The following PCDH15 variants were observed in gnomAD, a reference collection of about 807,000 sequenced individuals.
The protein encoded by PCDH15 is protocadherin related 15.
PCDH15 carries 129 observed loss-of-function variants against 178.5 expected under a neutral mutation model. That is an observed-to-expected ratio of 0.72 (90% confidence interval 0.63 to 0.84). The LOEUF (loss-of-function observed/expected upper bound fraction) is 0.84. Ranked by LOEUF, PCDH15 falls within the 40% of genes least tolerant of loss-of-function variation. PCDH15 has a pLI of 0.00. For missense variants in PCDH15, 2,230 were observed against 2,099.9 expected (o/e 1.06, Z -1.21); for synonymous variants, 800 against 732.0 (o/e 1.09, Z -1.50).
At chr10:54,381,314 C>T (rs1396991519) in intron 3 of PCDH15, among the ~76,000 whole-genome samples, 2 of 152,076 alleles carry the variant, frequency 1.3e-5, no homozygotes, top group Admixed American at 6.6e-5. Flanking sequence ...CTCCCTATCC[C>T]AGCAGTGGTG....
intron 9 of PCDH15, 86 bp from the exon 10 acceptor site, chr10:54,214,134 G>A (rs1459926318): frequency 1.6e-5 from 12 of 749,590 alleles, no homozygotes; most frequent in Middle Eastern, 2.4e-4. Context: ...CATCAGCTGA[G>A]GAACAAAGCT....
At chr10:53,925,468 A>G (rs2084446941) in intron 25 of PCDH15, among the ~76,000 whole-genome samples, 1 of 152,120 alleles carries the variant, frequency 6.6e-6, no homozygotes, top group Non-Finnish European at 1.5e-5. Context: ...GAACCCTAAC[A>G]CTCACCGCGA....
At chr10:55,019,486 T>C (rs1038821922) in intron 2 of PCDH15, among the ~76,000 whole-genome samples, 2 of 152,122 alleles carry the variant, frequency 1.3e-5, no homozygotes, top group African/African-American at 4.8e-5. Flanking sequence ...TTCGTTTTCA[T>C]AGCAAACAAC....
chr10:54,628,061 A>G (rs2093605122), intron 2 of PCDH15, among the ~76,000 whole-genome samples: 1 of 152,198 alleles, frequency 6.6e-6, no homozygotes, highest in South Asian at 2.1e-4. Context: ...TTTATTTGAA[A>G]TGTGTAACAG....
chr10:54,330,154 A>C (rs1939150939), intron 6 of PCDH15, among the ~76,000 whole-genome samples: 2 of 113,014 alleles, frequency 1.8e-5, no homozygotes. Flanking sequence ...TTTAAGTATT[A>C]TCTGGCATTA....
At chr10:55,397,046 C>T (rs1037091178) in intron 2 of PCDH15, among the ~76,000 whole-genome samples, 1 of 152,096 alleles carries the variant, frequency 6.6e-6, no homozygotes, top group African/African-American at 2.4e-5. Context: ...AAGAACATTT[C>T]CTATTACGAA....
chr10:54,901,271 C>A (rs947307985), intron 2 of PCDH15, among the ~76,000 whole-genome samples: 1 of 151,934 alleles, frequency 6.6e-6, no homozygotes, highest in Non-Finnish European at 1.5e-5. Flanking sequence ...TAGAGTGAGA[C>A]CCTGTCTCAA....
At chr10:54,915,361 C>G (rs1467843987) in intron 2 of PCDH15, among the ~76,000 whole-genome samples, 1 of 151,984 alleles carries the variant, frequency 6.6e-6, no homozygotes, top group African/African-American at 2.4e-5. Context: ...GCTAATATGC[C>G]TTAGAAAAAA....
intron 3 of PCDH15, among the ~76,000 whole-genome samples, chr10:54,421,250 T>C (rs1955251540): frequency 6.6e-6 from 1 of 151,860 alleles, no homozygotes; most frequent in Admixed American, 6.6e-5. Flanking sequence ...TAAAATGTCA[T>C]GAAATGACTT....
intron 21 of PCDH15, among the ~76,000 whole-genome samples, chr10:53,981,004 G>A (rs2090593110): frequency 6.6e-6 from 1 of 152,082 alleles, no homozygotes; most frequent in Admixed American, 6.6e-5. Flanking sequence ...AATTTGAAAT[G>A]TGTAAAATTC....
intron 2 of PCDH15, among the ~76,000 whole-genome samples, chr10:55,369,442 A>G (rs1351340023): frequency 6.6e-6 from 1 of 152,056 alleles, no homozygotes; most frequent in African/African-American, 2.4e-5. Flanking sequence ...TAAGTATAAA[A>G]ACAAAAAAGT....
chr10:54,408,117 C>A (rs1370096494), intron 3 of PCDH15, among the ~76,000 whole-genome samples: 1 of 146,614 alleles, frequency 6.8e-6, no homozygotes, highest in Non-Finnish European at 1.5e-5. Context: ...TCTAAGGTAA[C>A]CCTAGGAGTT....
At chr10:55,363,901 T>G (rs933929419) in intron 2 of PCDH15, among the ~76,000 whole-genome samples, 1 of 152,146 alleles carries the variant, frequency 6.6e-6, no homozygotes, top group African/African-American at 2.4e-5. Context: ...CCTCCCAAAG[T>G]GCTGGGATTA....
chr10:54,664,704 T>C (rs2094543530), intron 1 of PCDH15, among the ~76,000 whole-genome samples: 1 of 151,958 alleles, frequency 6.6e-6, no homozygotes, highest in East Asian at 1.9e-4. Flanking sequence ...CATGAGCATT[T>C]CAATGAAAAT....
intron 18 of PCDH15, among the ~76,000 whole-genome samples, chr10:54,060,970 T>G (rs548741059): frequency 2.4e-4 from 36 of 152,294 alleles, no homozygotes; most frequent in Admixed American, 1.5e-3. Flanking sequence ...TTTAGTAGAC[T>G]GGCTTAGAGT....
At chr10:54,349,932 T>C (rs1774786194) in intron 5 of PCDH15, among the ~76,000 whole-genome samples, 2 of 152,170 alleles carry the variant, frequency 1.3e-5, no homozygotes, top group South Asian at 4.1e-4. Flanking sequence ...TGTGTGGCCA[T>C]ATATACTTTT....
rs376560176 is a variant in PCDH15, at chr10:54,620,986, A to G, written c.91+43186T>C. Among the ~76,000 whole-genome samples, 27 of 152,174 alleles carry G rather than the reference A, an allele frequency of 1.8e-4. No homozygotes were observed. The East Asian group carries it at 4.1e-3, about 23-fold the overall frequency. ...CTCCTAATATTCAATGGAGAAGAATATATATTCTTTTTTAGGAGGACACAA... is the reference window on the plus strand; with the variant it reads ...CTCCTAATATTCAATGGAGAAGAATGTATATTCTTTTTTAGGAGGACACAA... On this transcript the variant is annotated intron_variant, in intron 2 of 37. Transcript: ENST00000644397.
At chr10:54,299,180 A>G (rs2059988368) in intron 8 of PCDH15, among the ~76,000 whole-genome samples, 1 of 152,154 alleles carries the variant, frequency 6.6e-6, no homozygotes, top group Non-Finnish European at 1.5e-5. Flanking sequence ...AGAAAGAGGA[A>G]GAAACAGAGA....
intron 21 of PCDH15, among the ~76,000 whole-genome samples, chr10:53,974,808 G>T (rs1040898742): frequency 3.3e-5 from 5 of 151,756 alleles, no homozygotes; most frequent in Admixed American, 3.3e-4. Context: ...TTAGGTTTTG[G>T]GGTACATGTG....
Sources: allele counts gnomAD v4.1 joint callset (sites outside exome capture counted in the v4.1 genomes callset), GRCh38; gene constraint gnomAD v4.1.1; transcripts MANE v1.5; gene names NCBI Gene and HGNC (gene_info 2026-07-23, HGNC 2026-07-21).